The following C2CD2 variants were observed in gnomAD, a reference collection of about 807,000 sequenced individuals.
The protein encoded by C2CD2 is C2 domain-containing protein 2.
C2CD2 carries 43 observed loss-of-function variants against 74.3 expected under a neutral mutation model. That is an observed-to-expected ratio of 0.58 (90% CI 0.45 to 0.75). C2CD2 has a LOEUF of 0.75. Ranked by LOEUF, C2CD2 falls within the 30% of genes least tolerant of loss-of-function variation. C2CD2 has a pLI of 0.00. For synonymous variants in C2CD2, 422 were observed against 390.7 expected (o/e 1.08, Z -0.94); for missense variants, 801 against 916.3 (o/e 0.87, Z 1.63).
chr21:41,905,467 G>A (rs1379843484), intron 11 of C2CD2, among the ~76,000 whole-genome samples: 14 of 152,016 alleles, frequency 9.2e-5, no homozygotes, highest in Non-Finnish European at 2.1e-4. Context: ...ACTGGCATGC[G>A]CCACCACGCC....
Position 41,926,391 on chromosome 21 carries a change from G to A in C2CD2, c.379-4306C>T, listed in dbSNP as rs1397031159. On this transcript the variant is annotated intron_variant, in intron 2 of 13. Transcript: ENST00000380486. The surrounding 1 kb of genome is among the most constrained non-coding windows in gnomAD (Gnocchi z 8.0). ...CAGGGTCTCCACATGGAAAGGCCAA[G>A]GGGGGACTCACGGTTGGCAGGTGAG... The A allele has an allele frequency of 2.0e-5, 20 of 978,096 alleles. No homozygotes were observed. In the South Asian group the frequency reaches 8.1e-4, roughly 40 times the overall value. 60.6% of individuals were successfully genotyped at this position (978,096 alleles called of 1,614,324 possible).
Position 41,923,588 on chromosome 21 carries a change from T to C in C2CD2, c.379-1503A>G, listed in dbSNP as rs1201896654. On this transcript the variant is annotated intron_variant, in intron 2 of 13. Coordinates refer to ENST00000380486, the MANE Select transcript of C2CD2 (RefSeq NM_015500.2). The surrounding 1 kb of genome is among the most constrained non-coding windows in gnomAD (Gnocchi z 5.8). ...AAAGTATCAAACAATTATAAAATTA[T>C]GCAGCCGTACCAAAACCAGAATTAT... is the stretch of plus-strand genomic sequence containing the variant. Among the ~76,000 whole-genome samples the C allele has an allele frequency of 1.3e-5, 2 of 152,218 alleles. No individual in the cohort carries two copies. The highest frequency in any genetic ancestry group is 1.3e-4 in the Admixed American group (2 of 15,280).
chr21:41,948,384 G>T (rs2065419989), intron 1 of C2CD2, among the ~76,000 whole-genome samples: 1 of 152,262 alleles, frequency 6.6e-6, no homozygotes, highest in African/African-American at 2.4e-5. Context: ...GACTCCGGGG[G>T]GGTCGGGAGG....
chr21:41,907,225 C>T, intron 9 of C2CD2, 59 bp from the exon 10 acceptor site: 1 of 1,314,304 alleles, frequency 7.6e-7, no homozygotes, highest in African/African-American at 1.4e-5. Flanking sequence ...GGCTGATCAG[C>T]CAGGTAACAC....
At position 41,924,018 on chromosome 21, in the gene C2CD2, C is replaced by T. The variant is rs926347183; in HGVS notation, c.379-1933G>A. Among the ~76,000 whole-genome samples, 6 of 152,226 alleles carry T rather than the reference C, an allele frequency of 3.9e-5. No individual in the cohort carries two copies. Among genetic ancestry groups the T allele is most frequent in the African/African-American group, 1.4e-4 (6 of 41,456 alleles). On this transcript the variant is annotated intron_variant, in intron 2 of 13. Coordinates refer to ENST00000380486, the MANE Select transcript of C2CD2 (RefSeq NM_015500.2). This position sits in a 1 kb window ranked among gnomAD's most constrained non-coding sequence, Gnocchi z 4.4. ...AAGCTACCAGGAGCTGAGGGTAAGT[C>T]AGACTGACCTCCTCATTCCCAAAAG...
At chr21:41,952,362 T>C (rs915237799) in intron 1 of C2CD2, among the ~76,000 whole-genome samples, 1 of 152,160 alleles carries the variant, frequency 6.6e-6, no homozygotes, top group African/African-American at 2.4e-5. Flanking sequence ...GGGCCCGCCA[T>C]GGAATATTTT....
intron 6 of C2CD2, 115 bp from the exon 7 acceptor site, chr21:41,912,555 A>G: frequency 2.4e-6 from 1 of 420,944 alleles, no homozygotes; most frequent in Non-Finnish European, 3.9e-6. Flanking sequence ...CAGTGGCGCA[A>G]TCTCGGCTCA....
chr21:41,906,519 C>T (rs2064963869), intron 10 of C2CD2, among the ~76,000 whole-genome samples: 1 of 152,186 alleles, frequency 6.6e-6, no homozygotes, highest in South Asian at 2.1e-4. Context: ...GCACGTGCCA[C>T]CACGCCCAGT....
intron 1 of C2CD2, among the ~76,000 whole-genome samples, chr21:41,949,660 A>G (rs1464043462): frequency 6.6e-6 from 1 of 152,248 alleles, no homozygotes; most frequent in Admixed American, 6.5e-5. Flanking sequence ...AAAGGATTAT[A>G]AATCATGCTA....
At chr21:41,893,809 C>T (rs1212751133) in intron 13 of C2CD2, among the ~76,000 whole-genome samples, 1 of 151,000 alleles carries the variant, frequency 6.6e-6, no homozygotes, top group Non-Finnish European at 1.5e-5. Flanking sequence ...TCAAGCGACT[C>T]TTCTGCCTCA....
At chr21:41,911,270 T>C (rs563505286) in intron 7 of C2CD2, among the ~76,000 whole-genome samples, 53 of 152,294 alleles carry the variant, frequency 3.5e-4, no homozygotes, top group African/African-American at 1.2e-3. Context: ...CTTACATTCC[T>C]GGTATGAACA....
Position 41,921,754 on chromosome 21 carries a change from A to ATGTG in C2CD2, c.492+214_492+217dup, listed in dbSNP as rs3833358. 5.9e-5 allele frequency among the ~76,000 whole-genome samples: 9 copies of ATGTG among 151,710 alleles called. No homozygotes were observed. In the South Asian group the frequency reaches 6.2e-4, roughly 10 times the overall value. On this transcript the variant is annotated intron_variant, in intron 3 of 13. Transcript: ENST00000380486. ...CAACCCCTGAGTTTATTATAAATGT[A>ATGTG]TGTGTGTGTGTGTAGTGTGTGTGTG...
chr21:41,904,201 C>T (rs889960294), intron 11 of C2CD2, among the ~76,000 whole-genome samples: 1 of 152,158 alleles, frequency 6.6e-6, no homozygotes, highest in African/African-American at 2.4e-5. Context: ...CTGAGGATAA[C>T]GCATTAGCAT....
chr21:41,937,443 A>G (rs530381985), intron 2 of C2CD2, among the ~76,000 whole-genome samples: 98 of 152,344 alleles, frequency 6.4e-4, no homozygotes, highest in Non-Finnish European at 1.2e-3. Context: ...TCATTGTAAG[A>G]ATAGAGTATA....
chr21:41,930,432 G>A (rs1448319119), intron 2 of C2CD2, among the ~76,000 whole-genome samples: 1 of 150,390 alleles, frequency 6.6e-6, no homozygotes, highest in Non-Finnish European at 1.5e-5. Flanking sequence ...GCCAGGCACA[G>A]TAGCTCACAC....
chr21:41,905,310 CTTTTT>C (rs137969894), intron 11 of C2CD2, among the ~76,000 whole-genome samples: 412 of 125,340 alleles, frequency 3.3e-3, no homozygotes, highest in African/African-American at 0.011. Context: ...CAAATCAAAA[CTTTTT>C]TTTTTTTTTT....
At position 41,888,937 on chromosome 21, in the gene C2CD2, C is replaced by T. The variant is rs1009150065; in HGVS notation, c.*187G>A. The T allele has an allele frequency of 3.3e-6, 2 of 605,472 alleles. No homozygotes were observed. The highest frequency in any genetic ancestry group is 5.8e-6 in the Non-Finnish European group (2 of 342,066). The allele number at this position is 605,472 out of a possible 1,614,324, so 37.5% of individuals were successfully genotyped here. ...TGGTGGCAAGTTGGGCTTTTTTGTC[C>T]TCTCTGGGAGAAGCCTCCTGGCTGG... On this transcript the variant is annotated 3_prime_UTR_variant, in exon 14 of 14. Coordinates refer to ENST00000380486, the MANE Select transcript of C2CD2 (RefSeq NM_015500.2).
intron 11 of C2CD2, 120 bp from the exon 12 acceptor site, chr21:41,901,869 C>A: frequency 2.3e-6 from 2 of 851,540 alleles, no homozygotes; most frequent in Non-Finnish European, 3.8e-6. Flanking sequence ...TAAAAGGGGC[C>A]AAAGGGTCAA....
chr21:41,893,304 C>G (rs1210434870), intron 13 of C2CD2, among the ~76,000 whole-genome samples: 2 of 152,120 alleles, frequency 1.3e-5, no homozygotes, highest in Admixed American at 1.3e-4. Flanking sequence ...GAATTCGAGA[C>G]TACAATGAGC....
Sources: allele counts gnomAD v4.1 joint callset (sites outside exome capture counted in the v4.1 genomes callset), GRCh38; gene constraint gnomAD v4.1.1; non-coding constraint Gnocchi (gnomAD v3.1); transcripts MANE v1.5; gene names NCBI Gene and HGNC (gene_info 2026-07-23, HGNC 2026-07-21).